The following HCN1 variants were observed in gnomAD, a reference collection of about 807,000 sequenced individuals.
HCN1 encodes the protein potassium/sodium hyperpolarization-activated cyclic nucleotide-gated channel 1.
HCN1 carries 13 observed loss-of-function variants against 78.9 expected under a neutral mutation model. The observed-to-expected ratio is 0.16, with a 90% CI of 0.11 to 0.26. The LOEUF (loss-of-function observed/expected upper bound fraction) is 0.26, where lower values mean the gene tolerates loss of function less well. Among genes scored for constraint, HCN1 ranks in the 10% least tolerant of loss-of-function variants. HCN1 has a pLI of 1.00. For synonymous variants in HCN1, 552 were observed against 455.5 expected (o/e 1.21, Z -2.70); for missense variants, 810 against 1,154.3 (o/e 0.70, Z 4.32).
intron 2 of HCN1, chr5:45,558,592 A>C (rs1743523623): frequency 6.6e-6 from 1 of 152,124 alleles, no homozygotes; most frequent in Non-Finnish European, 1.5e-5. Context: ...TCTTCAAAGG[A>C]CAGGCTTACT....
intron 2 of HCN1, among the ~76,000 whole-genome samples, chr5:45,562,521 C>CAAACAAA (rs1554033106): frequency 2.7e-4 from 41 of 151,500 alleles, no homozygotes; most frequent in Non-Finnish European, 5.3e-4. Flanking sequence ...AACAAACAAA[C>CAAACAAA]AAACAAAAAA....
At chr5:45,469,204 C>A (rs1741338116) in intron 2 of HCN1, among the ~76,000 whole-genome samples, 1 of 151,764 alleles carries the variant, frequency 6.6e-6, no homozygotes, top group African/African-American at 2.4e-5. Flanking sequence ...TTCATGATGA[C>A]CATGTGACAG....
chr5:45,313,259 C>A (rs1745897980), intron 5 of HCN1, among the ~76,000 whole-genome samples: 1 of 152,176 alleles, frequency 6.6e-6, no homozygotes, highest in Non-Finnish European at 1.5e-5. Context: ...CAAACAGGGT[C>A]TGGAGTGAAC....
chr5:45,372,147 T>A (rs868706528), intron 4 of HCN1, among the ~76,000 whole-genome samples: 2 of 54,118 alleles, frequency 3.7e-5, no homozygotes, highest in East Asian at 8.4e-4. Context: ...AATAATATAT[T>A]ATATAATATG....
chr5:45,568,812 C>A (rs1743768829), intron 2 of HCN1, among the ~76,000 whole-genome samples: 1 of 151,840 alleles, frequency 6.6e-6, no homozygotes, highest in Non-Finnish European at 1.5e-5. Flanking sequence ...GCTCGGAAAA[C>A]AATACATCAA....
intron 5 of HCN1, among the ~76,000 whole-genome samples, chr5:45,320,756 AT>A (rs1191042273): frequency 6.6e-6 from 1 of 151,906 alleles, no homozygotes; most frequent in African/African-American, 2.4e-5. Context: ...AGACATGGAC[AT>A]TTGTTGATTG....
chr5:45,261,952 G>C lies in HCN1; in HGVS notation c.2642C>G (p.Ala881Gly). 6.2e-7 allele frequency: 1 copy of C among 1,614,094 alleles called. No individual in the cohort carries two copies. Among genetic ancestry groups the C allele is most frequent in the Non-Finnish European group, 8.5e-7 (1 of 1,180,038 alleles). The part of the protein sequence containing the change: ...SSSVLNTDPD[A>G]EKPRFASNL Reference sequence around the variant, plus strand: ...ATTTGAAGCAAATCGTGGCTTTTCTGCGTCTGGGTCTGTGTTTAAGACTGA... The same window carrying C: ...ATTTGAAGCAAATCGTGGCTTTTCTCCGTCTGGGTCTGTGTTTAAGACTGA... The change falls in exon 8 of 8, where the codon GCA becomes GGA. Residue 881 changes from alanine (A) to glycine (G), a missense_variant. Around this residue, in one of 6 missense-constraint regions of HCN1, gnomAD observed 398 missense variants for 381.3 expected, o/e 1.04. Coordinates refer to ENST00000303230, the MANE Select transcript of HCN1 (RefSeq NM_021072.4).
intron 4 of HCN1, among the ~76,000 whole-genome samples, chr5:45,390,263 A>G (rs1739511879): frequency 6.6e-6 from 1 of 152,186 alleles, no homozygotes; most frequent in South Asian, 2.1e-4. Context: ...GTGGGTTCTT[A>G]TCAGATTAGT....
intron 1 of HCN1, among the ~76,000 whole-genome samples, chr5:45,658,463 A>C (rs1745832195): frequency 6.6e-6 from 1 of 152,210 alleles, no homozygotes; most frequent in African/African-American, 2.4e-5. Flanking sequence ...AAGATGGCCG[A>C]ATAGGAACAG....
chr5:45,596,983 T>G (rs908158774), intron 2 of HCN1, among the ~76,000 whole-genome samples: 8 of 152,000 alleles, frequency 5.3e-5, no homozygotes, highest in African/African-American at 1.9e-4. Flanking sequence ...TAACGTTACC[T>G]CTTACAAAGA....
At chr5:45,694,908 G>C (rs1265329367) in intron 1 of HCN1, among the ~76,000 whole-genome samples, 1 of 152,134 alleles carries the variant, frequency 6.6e-6, no homozygotes, top group Non-Finnish European at 1.5e-5. Flanking sequence ...AAAGATTTTT[G>C]AAATAGACTT....
intron 3 of HCN1, among the ~76,000 whole-genome samples, chr5:45,421,578 C>G (rs1357358417): frequency 6.6e-6 from 1 of 151,856 alleles, no homozygotes; most frequent in Non-Finnish European, 1.5e-5. Flanking sequence ...AACCAAGAAA[C>G]AGAAACCAAC....
At chr5:45,583,966 G>A (rs545791531) in intron 2 of HCN1, among the ~76,000 whole-genome samples, 5 of 152,292 alleles carry the variant, frequency 3.3e-5, no homozygotes, top group South Asian at 2.1e-4. Flanking sequence ...GTCAATTTTG[G>A]AATAGGTGTG....
chr5:45,695,902 A>G lies in HCN1; in HGVS notation c.192T>C (p.Gly64=), dbSNP rs1740002375. The G allele has an allele frequency of 2.0e-6, 3 of 1,500,796 alleles. No individual in the cohort carries two copies. Among genetic ancestry groups the G allele is most frequent in the African/African-American group, 1.5e-5 (1 of 68,038 alleles). 93.0% of individuals were successfully genotyped at this position (1,500,796 alleles called of 1,614,324 possible). ...GNSVCFKVDG[G]GGGGGGGGGG... ...CGCCGCCGCCGCCGCCACCGCCGCC[A>G]CCGCCGTCCACCTTGAAGCACACGG... Residue 64 remains glycine, a synonymous_variant, in exon 1 of 8, where the codon GGT becomes GGC. Transcript: ENST00000303230.
chr5:45,423,472 C>A (rs1202315791), intron 3 of HCN1, among the ~76,000 whole-genome samples: 1 of 152,216 alleles, frequency 6.6e-6, no homozygotes, highest in Non-Finnish European at 1.5e-5. Context: ...AACTCCCCAA[C>A]AACACTTAGA....
intron 5 of HCN1, among the ~76,000 whole-genome samples, chr5:45,338,613 C>T (rs891492336): frequency 2.1e-5 from 3 of 141,226 alleles, no homozygotes; most frequent in Non-Finnish European, 3.0e-5. Flanking sequence ...TTTCTAGACA[C>T]TAAGAACATA....
At chr5:45,388,294 T>C (rs1747968363) in intron 4 of HCN1, among the ~76,000 whole-genome samples, 1 of 152,116 alleles carries the variant, frequency 6.6e-6, no homozygotes, top group Non-Finnish European at 1.5e-5. Context: ...ACAGTTCTGC[T>C]TAGTTAGAAA....
intron 6 of HCN1, among the ~76,000 whole-genome samples, chr5:45,277,763 C>T (rs1014111782): frequency 6.6e-6 from 1 of 152,138 alleles, no homozygotes; most frequent in African/African-American, 2.4e-5. Flanking sequence ...GGTAGCAGCC[C>T]ATACAACGAT....
chr5:45,474,106 G>C (rs1741465357), intron 2 of HCN1, among the ~76,000 whole-genome samples: 1 of 151,642 alleles, frequency 6.6e-6, no homozygotes, highest in Non-Finnish European at 1.5e-5. Flanking sequence ...TTTAGTTGAG[G>C]GAAATCTTCC....
Sources: gnomAD v4.1 joint callset for allele counts (sites outside exome capture counted in the v4.1 genomes callset) on GRCh38, gnomAD v4.1.1 for gene constraint, gnomAD v4.1.1 regional missense constraint, MANE v1.5 for transcripts, NCBI Gene and HGNC (gene_info 2026-07-23, HGNC 2026-07-21) for gene names.